The following PRLR variants were observed in gnomAD, a reference collection of about 807,000 sequenced individuals.
PRLR encodes the protein prolactin receptor.
Under a neutral mutation model 40.2 loss-of-function variants are expected in PRLR, and 13 were observed. The observed-to-expected ratio is 0.32, with a 90% confidence interval of 0.21 to 0.51. The LOEUF is 0.51. PRLR is among the 20% of genes least tolerant of loss of function. The pLI is 0.97. For missense variants in PRLR, 656 were observed against 747.3 expected, an observed-to-expected ratio of 0.88 and a Z score of 1.42; for synonymous variants, 269 against 278.7, an observed-to-expected ratio of 0.97 and a Z score of 0.35.
At chr5:35,215,995 G>A (rs185271186) in intron 1 of PRLR, among the ~76,000 whole-genome samples, 8 of 151,302 alleles carry the variant, frequency 5.3e-5, no homozygotes, top group Admixed American at 1.3e-4. Flanking sequence ...CCGAGATTGC[G>A]CCACTGCACT....
At position 35,191,163 on chromosome 5, in the gene PRLR, C is replaced by T. The variant is rs1438973848; in HGVS notation, c.-106+39105G>A. ...TCGGCTCACTGCAAGCTCCGCCTCC[C>T]GGGTTCACGCCATTCTCCTGCCTCA... On this transcript the variant is annotated intron_variant, in intron 1 of 9. Coordinates refer to ENST00000618457, the MANE Select transcript of PRLR (RefSeq NM_000949.7). Among the ~76,000 whole-genome samples, 7 of 121,938 alleles carry T rather than the reference C, an allele frequency of 5.7e-5. 1 individual carries two copies. Among genetic ancestry groups the T allele is most frequent in the East Asian group, 4.6e-4 (2 of 4,390 alleles). The allele number at this position is 121,938 out of a possible 152,430, so 80.0% of individuals were successfully genotyped here.
At chr5:35,112,027 G>T (rs1197881157) in intron 2 of PRLR, among the ~76,000 whole-genome samples, 3 of 152,208 alleles carry the variant, frequency 2.0e-5, no homozygotes, top group African/African-American at 7.2e-5. Flanking sequence ...CTCCCCTCTA[G>T]GTTAGAAGAT....
intron 1 of PRLR, among the ~76,000 whole-genome samples, chr5:35,213,341 T>C (rs1396133336): frequency 6.6e-6 from 1 of 152,216 alleles, no homozygotes; most frequent in Non-Finnish European, 1.5e-5. Flanking sequence ...ATGTAATTTC[T>C]ACTTTAAAAG....
At chr5:35,157,304 A>G (rs1774538276) in intron 1 of PRLR, among the ~76,000 whole-genome samples, 1 of 152,118 alleles carries the variant, frequency 6.6e-6, no homozygotes, top group Non-Finnish European at 1.5e-5. Flanking sequence ...CCAAATTTAT[A>G]TCAGCACAAT....
In PRLR at chr5:35,173,870, G is replaced by A. The variant is rs558368891; in HGVS notation, c.-105-55748C>T. On this transcript the variant is annotated intron_variant, in intron 1 of 9. Transcript: ENST00000618457. Reference sequence around the variant, plus strand: ...TATTATACTTTAAGTTCTAGGGTACGTGTGCACAACGTGCATGTTTATTAC... The same window carrying A: ...TATTATACTTTAAGTTCTAGGGTACATGTGCACAACGTGCATGTTTATTAC... Among the ~76,000 whole-genome samples, 13 of 151,874 alleles carry A rather than the reference G, an allele frequency of 8.6e-5. No individual in the cohort carries two copies. The East Asian group carries it at 1.4e-3, about 16-fold the overall frequency.
Position 35,199,675 on chromosome 5 carries a change from A to G in PRLR, c.-106+30593T>C, listed in dbSNP as rs75871010. On this transcript the variant is annotated intron_variant, in intron 1 of 9. Transcript: ENST00000618457. Reference sequence around the variant, plus strand: ...AATCTGATTATTAAATGAGTACTACAGTAACCACATAACCTACTTGATATC... The same window carrying G: ...AATCTGATTATTAAATGAGTACTACGGTAACCACATAACCTACTTGATATC... Among the ~76,000 whole-genome samples the G allele has an allele frequency of 5.0e-3, 762 of 152,344 alleles. 14 individuals are homozygous for G. Among genetic ancestry groups the G allele is most frequent in the African/African-American group, 0.017 (723 of 41,586 alleles).
chr5:35,106,750 G>A (rs1012008895), intron 2 of PRLR, among the ~76,000 whole-genome samples: 1 of 152,272 alleles, frequency 6.6e-6, no homozygotes, highest in East Asian at 1.9e-4. Flanking sequence ...CCTGCAAGGA[G>A]ACTTATACTC....
At chr5:35,184,465 C>A (rs1298400072) in intron 1 of PRLR, among the ~76,000 whole-genome samples, 1 of 152,048 alleles carries the variant, frequency 6.6e-6, no homozygotes, top group East Asian at 1.9e-4. Context: ...AGCAGTGAGC[C>A]GAGATTGAGC....
chr5:35,220,229 T>A (rs1323278033), intron 1 of PRLR, among the ~76,000 whole-genome samples: 5 of 152,316 alleles, frequency 3.3e-5, no homozygotes, highest in Non-Finnish European at 7.4e-5. Context: ...CTCCATCCCA[T>A]GACCTCGGGC....
intron 1 of PRLR, among the ~76,000 whole-genome samples, chr5:35,144,315 A>T (rs1447239431): frequency 1.3e-5 from 2 of 152,346 alleles, no homozygotes; most frequent in South Asian, 2.1e-4. Context: ...TAGTAACAGA[A>T]CAAGTGAAAG....
At chr5:35,119,434 G>A (rs904753168) in intron 1 of PRLR, among the ~76,000 whole-genome samples, 30 of 151,298 alleles carry the variant, frequency 2.0e-4, no homozygotes, top group African/African-American at 7.3e-4. Context: ...CAACATTGCT[G>A]CTGTTGGCAT....
At chr5:35,068,146 G>T in intron 9 of PRLR, 70 bp downstream of exon 9, 1 of 1,366,488 alleles carries the variant, frequency 7.3e-7, no homozygotes. Flanking sequence ...CGGGGACTGT[G>T]TGTGAGTGTG....
At chr5:35,095,212 G>C (rs1771459999) in intron 2 of PRLR, among the ~76,000 whole-genome samples, 1 of 152,118 alleles carries the variant, frequency 6.6e-6, no homozygotes, top group Non-Finnish European at 1.5e-5. Flanking sequence ...GGCGGGAAGA[G>C]GAACAGCAGG....
chr5:35,131,989 A>G (rs1158282054), intron 1 of PRLR, among the ~76,000 whole-genome samples: 1 of 152,126 alleles, frequency 6.6e-6, no homozygotes, highest in Non-Finnish European at 1.5e-5. Context: ...GGATACTTAT[A>G]CCTTTGGCAT....
At chr5:35,081,161 G>A (rs544759225) in intron 5 of PRLR, 12 of 153,264 alleles carry the variant, frequency 7.8e-5, no homozygotes, top group African/African-American at 2.9e-4. Flanking sequence ...TGCACGTTGT[G>A]CACATGTACC....
chr5:35,182,834 A>C (rs929456753), intron 1 of PRLR, among the ~76,000 whole-genome samples: 1 of 152,226 alleles, frequency 6.6e-6, no homozygotes, highest in Admixed American at 6.5e-5. Context: ...TTGGGATACA[A>C]TGATCTCTCA....
At chr5:35,176,939 A>G (rs1486465084) in intron 1 of PRLR, among the ~76,000 whole-genome samples, 8 of 152,232 alleles carry the variant, frequency 5.3e-5, no homozygotes, top group African/African-American at 1.7e-4. Flanking sequence ...TGTATGCTCC[A>G]TCTACTGAGA....
intron 1 of PRLR, among the ~76,000 whole-genome samples, chr5:35,180,589 T>C (rs577849856): frequency 2.0e-3 from 297 of 146,900 alleles, no homozygotes; most frequent in African/African-American, 4.1e-3. Flanking sequence ...TTTTCCCCCC[T>C]TTTTTTTTTA....
At chr5:35,115,986 T>C (rs1371567005) in intron 2 of PRLR, among the ~76,000 whole-genome samples, 1 of 152,192 alleles carries the variant, frequency 6.6e-6, no homozygotes, top group African/African-American at 2.4e-5. Context: ...ACCCTGAAAC[T>C]GAGCTGTGTT....
Sources: gnomAD v4.1 joint callset for allele counts (sites outside exome capture counted in the v4.1 genomes callset) on GRCh38, gnomAD v4.1.1 for gene constraint, MANE v1.5 for transcripts, NCBI Gene and HGNC (gene_info 2026-07-23, HGNC 2026-07-21) for gene names.